Variants in MADD observed in about 807,000 individuals in gnomAD.
MADD encodes the protein MAP kinase-activating death domain protein.
A neutral mutation model predicts 176.7 loss-of-function variants in MADD; 109 were observed. The observed-to-expected ratio is 0.62, with a 90% confidence interval of 0.53 to 0.72. The LOEUF is 0.72. Among genes scored for constraint, MADD ranks in the 30% least tolerant of loss-of-function variants. MADD has a pLI of 0.00. For synonymous variants in MADD, 771 were observed against 771.3 expected, an observed-to-expected ratio of 1.00 and a Z score of 0.01; for missense variants, 1,914 against 2,045.5, an observed-to-expected ratio of 0.94 and a Z score of 1.24.
At chr11:47,276,803 A>C (rs1422657652) in exon 5 of MADD, 2 of 1,614,132 alleles carry the variant, frequency 1.2e-6, no homozygotes, top group Non-Finnish European at 1.7e-6. Context: ...TGATCTACCC[A>C]CTGGAGTATA....
chr11:47,320,757 A>C (rs2094323977), intron 27 of MADD, among the ~76,000 whole-genome samples: 1 of 152,090 alleles, frequency 6.6e-6, no homozygotes, highest in South Asian at 2.1e-4. Flanking sequence ...CCCCGTCTCC[A>C]CAAAAAATTT....
At chr11:47,277,204 C>G (rs2050848494) in intron 5 of MADD, among the ~76,000 whole-genome samples, 1 of 152,190 alleles carries the variant, frequency 6.6e-6, no homozygotes, top group Non-Finnish European at 1.5e-5. Flanking sequence ...TCTATAGATA[C>G]TTTGTTTTTT....
intron 27 of MADD, 109 bp downstream of exon 30, chr11:47,315,436 C>G (rs574049161): frequency 1.4e-5 from 9 of 623,306 alleles, no homozygotes; most frequent in Middle Eastern, 2.7e-4. Flanking sequence ...TCTTCATGAT[C>G]TATTTATCAT....
At position 47,293,304 on chromosome 11, in the gene MADD, C is replaced by CT. The variant is rs796151719; in HGVS notation, c.3302-564dup. On this transcript the variant is annotated intron_variant, in intron 19 of 32. Coordinates refer to ENST00000402192, the Ensembl canonical transcript of MADD. ...TTAGACATTTGTTCGTGGAGCTTTTCTTTTTTTTTTTTTTTGAGATGGAGT... is the reference window on the plus strand; with the variant it reads ...TTAGACATTTGTTCGTGGAGCTTTTCTTTTTTTTTTTTTTTTGAGATGGAGT... 9.4e-3 allele frequency among the ~76,000 whole-genome samples: 1,310 copies of CT among 138,854 alleles called. 12 individuals carry two copies. Among genetic ancestry groups the CT allele is most frequent in the African/African-American group, 0.025 (935 of 38,008 alleles). The allele number at this position is 138,854 out of a possible 152,430, so 91.1% of individuals were successfully genotyped here. A position where few individuals can be genotyped will look rare whatever the true frequency, so the allele number is the denominator to read the frequency against.
chr11:47,311,771 A>G, exon 26 of MADD: 1 of 1,614,028 alleles, frequency 6.2e-7, no homozygotes, highest in Non-Finnish European at 8.5e-7. Flanking sequence ...GAGGCGCCTA[A>G]TGGGAAAGTC....
At chr11:47,277,558 A>G (rs1220025872) in intron 5 of MADD, among the ~76,000 whole-genome samples, 3 of 152,152 alleles carry the variant, frequency 2.0e-5, no homozygotes, top group South Asian at 4.1e-4. Flanking sequence ...CAGCCTCCCA[A>G]AGTGCTGGGA....
At chr11:47,273,931 A>G in exon 2 of MADD, 1 of 1,614,114 alleles carries the variant, frequency 6.2e-7, no homozygotes, top group Non-Finnish European at 8.5e-7. Context: ...CAAAAGAAGA[A>G]GTTCTGTCCT....
intron 22 of MADD, among the ~76,000 whole-genome samples, chr11:47,299,584 GCTTTTTTTT>G (rs2075959161): frequency 1.5e-5 from 1 of 65,234 alleles, no homozygotes. Flanking sequence ...AGATTTTAGG[GCTTTTTTTT>G]TTTTTTTTTT....
intron 27 of MADD, among the ~76,000 whole-genome samples, chr11:47,323,001 G>A (rs1484797226): frequency 1.3e-5 from 2 of 152,190 alleles, no homozygotes; most frequent in Non-Finnish European, 2.9e-5. Flanking sequence ...ACTTTGGGAG[G>A]CCAAGACGGG....
chr11:47,298,604 T>G (rs901074725), intron 22 of MADD, among the ~76,000 whole-genome samples: 1 of 152,372 alleles, frequency 6.6e-6, no homozygotes, highest in East Asian at 1.9e-4. Context: ...ATGAATAGTT[T>G]GTAAATATTT....
At chr11:47,292,985 A>T (rs1377917231) in intron 19 of MADD, among the ~76,000 whole-genome samples, 1 of 148,136 alleles carries the variant, frequency 6.8e-6, no homozygotes, top group African/African-American at 2.5e-5. Flanking sequence ...TAGCTGCCCC[A>T]CTCTCTGGTG....
chr11:47,304,980 AT>A (rs943338992), intron 22 of MADD, among the ~76,000 whole-genome samples: 7 of 152,130 alleles, frequency 4.6e-5, no homozygotes, highest in African/African-American at 1.4e-4. Flanking sequence ...ATGTAGTGGT[AT>A]GTTTTCTGTG....
intron 14 of MADD, among the ~76,000 whole-genome samples, chr11:47,286,023 G>T (rs2060374651): frequency 6.6e-6 from 1 of 152,200 alleles, no homozygotes; most frequent in African/African-American, 2.4e-5. Flanking sequence ...GCAGTGCAGG[G>T]TCGTATCAGC....
At chr11:47,314,956 A>G (rs1184898507) in intron 26 of MADD, among the ~76,000 whole-genome samples, 1 of 152,208 alleles carries the variant, frequency 6.6e-6, no homozygotes, top group Non-Finnish European at 1.5e-5. Context: ...CATTTGAGAA[A>G]TTTCTGTTTA....
At chr11:47,323,410 AAG>A (rs1288539311) in intron 27 of MADD, among the ~76,000 whole-genome samples, 2 of 151,954 alleles carry the variant, frequency 1.3e-5, no homozygotes, top group East Asian at 3.8e-4. Flanking sequence ...AAAAAAAAAA[AAG>A]AGGTAATAAA....
At chr11:47,296,785 T>TAC (rs2072703091) in intron 22 of MADD, among the ~76,000 whole-genome samples, 1 of 150,336 alleles carries the variant, frequency 6.7e-6, no homozygotes, top group Admixed American at 6.6e-5. Context: ...TTTTTTTTTT[T>TAC]ACACAGGGTC....
At chr11:47,288,194 G>T (rs985445487) in intron 15 of MADD, among the ~76,000 whole-genome samples, 1 of 152,176 alleles carries the variant, frequency 6.6e-6, no homozygotes, top group Non-Finnish European at 1.5e-5. Context: ...TTAGGCAGAG[G>T]CAGGAGGTTC....
At chr11:47,327,937 C>T (rs536192572) in intron 31 of MADD, 1 of 985,254 alleles carries the variant, frequency 1.0e-6, no homozygotes, top group Admixed American at 6.2e-5. Flanking sequence ...GACTCTCACT[C>T]TTGCCTTCTG....
intron 27 of MADD, among the ~76,000 whole-genome samples, chr11:47,322,790 G>A (rs1451525711): frequency 6.6e-6 from 1 of 152,280 alleles, no homozygotes; most frequent in African/African-American, 2.4e-5. Flanking sequence ...GTAGACCCAG[G>A]ATTAGAAAGT....
Sources: gnomAD v4.1 joint callset for allele counts (sites outside exome capture counted in the v4.1 genomes callset) on GRCh38, gnomAD v4.1.1 for gene constraint, MANE v1.5 for transcripts, NCBI Gene and HGNC (gene_info 2026-07-23, HGNC 2026-07-21) for gene names.